Variants in MGLL observed in about 807,000 individuals in gnomAD.
MGLL encodes monoglyceride lipase.
Under a neutral mutation model 29.1 loss-of-function variants are expected in MGLL, and 7 were observed. The observed-to-expected ratio is 0.24, with a 90% CI of 0.14 to 0.45. MGLL has a LOEUF of 0.45. MGLL is among the 20% of genes least tolerant of loss of function. MGLL has a pLI of 0.99. For missense variants in MGLL, 356 were observed against 413.6 expected (o/e 0.86, Z 1.21); for synonymous variants, 148 against 168.3 (o/e 0.88, Z 0.93).
In MGLL at chr3:127,722,362, C is replaced by T; in HGVS notation, c.399+68G>A. On this transcript the variant is annotated intron_variant, in intron 4 of 7. Transcript: ENST00000265052. The stretch of plus-strand genomic sequence containing the variant: ...GCAGTGGGGGGCAGGAAGTCAGGGC[C>T]ACCCCCTTCCCCCTGCAAGGCTGGA... 5 of 1,607,020 alleles carry T rather than the reference C, an allele frequency of 3.1e-6. No individual in the cohort carries two copies. The East Asian group carries it at 6.7e-5, about 22-fold the overall frequency.
At chr3:127,776,911 G>C (rs1271910011) in intron 3 of MGLL, among the ~76,000 whole-genome samples, 2 of 152,206 alleles carry the variant, frequency 1.3e-5, no homozygotes, top group Non-Finnish European at 2.9e-5. Flanking sequence ...GGGGGAGGGA[G>C]AGGAGCGAAT....
At chr3:127,696,598 C>T (rs1037178505) in intron 6 of MGLL, among the ~76,000 whole-genome samples, 1 of 151,484 alleles carries the variant, frequency 6.6e-6, no homozygotes, top group Admixed American at 6.6e-5. Context: ...ATTTTTAGTA[C>T]AGACGGGGTT....
At chr3:127,792,840 T>C (rs1455157596) in intron 2 of MGLL, among the ~76,000 whole-genome samples, 1 of 152,196 alleles carries the variant, frequency 6.6e-6, no homozygotes, top group East Asian at 1.9e-4. Context: ...CTGGAGAACA[T>C]GCAAAGCTAT....
At chr3:127,791,193 G>A (rs1240898962) in intron 2 of MGLL, 3 of 152,244 alleles carry the variant, frequency 2.0e-5, no homozygotes, top group African/African-American at 7.2e-5. Flanking sequence ...TGTGTGAGGA[G>A]CTTTACCTTT....
chr3:127,793,663 G>C (rs1434282165), intron 2 of MGLL, among the ~76,000 whole-genome samples: 1 of 152,212 alleles, frequency 6.6e-6, no homozygotes, highest in Admixed American at 6.5e-5. Context: ...CCGGGTTGAA[G>C]TGATTGTCCT....
intron 3 of MGLL, among the ~76,000 whole-genome samples, chr3:127,729,422 T>C (rs2076107134): frequency 6.6e-6 from 1 of 152,212 alleles, no homozygotes; most frequent in Non-Finnish European, 1.5e-5. Context: ...CTTTGACCCA[T>C]TTGAATTTTG....
chr3:127,800,183 A>G (rs1422311106), intron 2 of MGLL, among the ~76,000 whole-genome samples: 1 of 152,202 alleles, frequency 6.6e-6, no homozygotes, highest in African/African-American at 2.4e-5. Flanking sequence ...GTGGTGGGGC[A>G]ACAAGATGGA....
chr3:127,736,185 ATTG>A, intron 3 of MGLL: 3 of 964,872 alleles, frequency 3.1e-6, no homozygotes, highest in Non-Finnish European at 3.6e-6. Flanking sequence ...TGCTGAAATT[ATTG>A]TTAAGTATCA....
At chr3:127,815,990 A>G (rs1011252654) in intron 2 of MGLL, among the ~76,000 whole-genome samples, 4 of 152,210 alleles carry the variant, frequency 2.6e-5, no homozygotes, top group Non-Finnish European at 5.9e-5. Flanking sequence ...AAGGAGCCGT[A>G]TGGGGTAGCC....
At chr3:127,786,656 C>T (rs570536861) in intron 2 of MGLL, among the ~76,000 whole-genome samples, 4 of 152,388 alleles carry the variant, frequency 2.6e-5, no homozygotes, top group South Asian at 2.1e-4. Flanking sequence ...CATCGAAAAA[C>T]GAATGCCCCT....
At chr3:127,743,826 T>A (rs1559939030) in intron 3 of MGLL, among the ~76,000 whole-genome samples, 1 of 152,148 alleles carries the variant, frequency 6.6e-6, no homozygotes, top group African/African-American at 2.4e-5. Context: ...GGAAAACAGT[T>A]TGTTTCCCTC....
chr3:127,727,704 T>TAAAAAAA (rs1177079179), intron 3 of MGLL, among the ~76,000 whole-genome samples: 4 of 80,692 alleles, frequency 5.0e-5, no homozygotes, highest in Admixed American at 1.6e-4. Context: ...AGAGCAAGGC[T>TAAAAAAA]AAAAAAAAAA....
chr3:127,702,105 T>A (rs997488846), intron 6 of MGLL, among the ~76,000 whole-genome samples: 4 of 152,200 alleles, frequency 2.6e-5, no homozygotes, highest in African/African-American at 9.7e-5. Context: ...AAGGTCACAC[T>A]GAGGAGATGG....
chr3:127,794,433 T>A (rs1298801595), intron 2 of MGLL, among the ~76,000 whole-genome samples: 1 of 152,238 alleles, frequency 6.6e-6, no homozygotes, highest in Non-Finnish European at 1.5e-5. Context: ...TGTGAAACTG[T>A]CTTCTATGAT....
intron 2 of MGLL, among the ~76,000 whole-genome samples, chr3:127,800,941 G>A (rs1478209038): frequency 1.2e-4 from 18 of 151,638 alleles, no homozygotes; most frequent in Admixed American, 1.1e-3. Flanking sequence ...AGAAGAAGCT[G>A]CTGATAAATT....
intron 2 of MGLL, among the ~76,000 whole-genome samples, chr3:127,809,681 A>G (rs2077628136): frequency 6.6e-6 from 1 of 152,056 alleles, no homozygotes; most frequent in Admixed American, 6.5e-5. Flanking sequence ...GAGGACAAAA[A>G]TCAGCAAGAA....
intron 6 of MGLL, 113 bp downstream of exon 6, chr3:127,710,463 G>T: frequency 9.9e-7 from 1 of 1,007,784 alleles, no homozygotes; most frequent in Non-Finnish European, 1.5e-6. Context: ...TTGTCACTTT[G>T]CACAGGGCCT....
chr3:127,757,203 A>T (rs529504514), intron 3 of MGLL, among the ~76,000 whole-genome samples: 2 of 152,214 alleles, frequency 1.3e-5, no homozygotes, highest in East Asian at 1.9e-4. Context: ...GCCGAACCCA[A>T]CTTGAGGCCT....
rs1453688639 is a variant in MGLL at position 127,690,390 on chromosome 3, G to C, written c.*1808C>G. ...CTGCCCCTTGTGGGGTGAGGGCTTG[G>C]CTCCTCCCCCAGGGCACAGAGTGAT... On this transcript the variant is annotated 3_prime_UTR_variant, in exon 8 of 8. Coordinates refer to ENST00000265052, the MANE Select transcript of MGLL (RefSeq NM_007283.7). 2.6e-5 allele frequency: 4 copies of C among 152,260 alleles called. No individual in the cohort carries two copies. Among genetic ancestry groups the C allele is most frequent in the Non-Finnish European group, 5.9e-5 (4 of 68,070 alleles). The allele number at this position is 152,260 out of a possible 1,614,324, so 9.4% of individuals were successfully genotyped here.
Sources: allele counts gnomAD v4.1 joint callset (sites outside exome capture counted in the v4.1 genomes callset), GRCh38; gene constraint gnomAD v4.1.1; transcripts MANE v1.5; gene names NCBI Gene and HGNC (gene_info 2026-07-23, HGNC 2026-07-21).